The following PPIG variants were observed in gnomAD, a reference collection of about 807,000 sequenced individuals.
The protein encoded by PPIG is peptidylprolyl isomerase G, also known as peptidyl-prolyl cis-trans isomerase G.
Under a neutral mutation model 87.9 loss-of-function variants are expected in PPIG, and 26 were observed. The observed-to-expected ratio is 0.30, with a 90% CI of 0.22 to 0.41. PPIG has a LOEUF of 0.41. Ranked by LOEUF, PPIG falls within the 10% of genes least tolerant of loss-of-function variation. The pLI, the probability that PPIG is intolerant of heterozygous loss-of-function variation, is 1.00. For synonymous variants in PPIG, 308 were observed against 276.5 expected (o/e 1.11, Z -1.13); for missense variants, 722 against 879.4 (o/e 0.82, Z 2.26).
chr2:169,626,582 G>A (rs536445537), intron 9 of PPIG, among the ~76,000 whole-genome samples: 1 of 152,262 alleles, frequency 6.6e-6, no homozygotes, highest in African/African-American at 2.4e-5. Context: ...AGTAGAGACG[G>A]GTTCACCATG....
At chr2:169,606,995 A>G in intron 5 of PPIG, 109 bp from the exon 6 acceptor site, 1 of 731,304 alleles carries the variant, frequency 1.4e-6, no homozygotes. Context: ...ATCTTCGAAT[A>G]TTGTTAATTC....
Position 169,612,601 on chromosome 2 carries a change from C to T in PPIG, c.378-1863C>T, listed in dbSNP as rs531430398. ...GTTTCACCGTGTTAGCCAGGATGGT[C>T]TCGATCTCCTGACCCCATGATCCAC... On this transcript the variant is annotated intron_variant, in intron 7 of 13. Coordinates refer to ENST00000260970, the MANE Select transcript of PPIG (RefSeq NM_004792.3). 7.2e-5 allele frequency among the ~76,000 whole-genome samples: 11 copies of T among 152,138 alleles called. No individual in the cohort carries two copies. In the South Asian group the frequency reaches 1.0e-3, roughly 14 times the overall value.
At position 169,586,395 on chromosome 2, in the gene PPIG, A is replaced by G. The variant is rs368363555; in HGVS notation, c.-70+1905A>G. On this transcript the variant is annotated intron_variant, in intron 1 of 13. Transcript: ENST00000260970. ...TTCAGTTTCTTCACCTACCTGCAAAATGACATTTTGATCTCCACCTTCCAT... is the reference window on the plus strand; with the variant it reads ...TTCAGTTTCTTCACCTACCTGCAAAGTGACATTTTGATCTCCACCTTCCAT... Among the ~76,000 whole-genome samples the G allele has an allele frequency of 3.3e-5, 5 of 152,204 alleles. No homozygotes were observed. The East Asian group carries it at 7.7e-4, about 23-fold the overall frequency.
At chr2:169,593,556 A>G (rs554070978) in intron 1 of PPIG, among the ~76,000 whole-genome samples, 1 of 150,824 alleles carries the variant, frequency 6.6e-6, no homozygotes, top group East Asian at 2.0e-4. Context: ...ATTTCCTTTC[A>G]CTCTTTTTTT....
chr2:169,614,098 A>G (rs1448261454), intron 7 of PPIG, among the ~76,000 whole-genome samples: 1 of 152,248 alleles, frequency 6.6e-6, no homozygotes, highest in Non-Finnish European at 1.5e-5. Flanking sequence ...GAATTGTTTC[A>G]TAAATTTTGA....
At chr2:169,624,742 C>T (rs890840659) in intron 9 of PPIG, among the ~76,000 whole-genome samples, 4 of 152,098 alleles carry the variant, frequency 2.6e-5, no homozygotes, top group Non-Finnish European at 5.9e-5. Context: ...CGCCCACCAC[C>T]ACGCCCGGCT....
chr2:169,635,108 T>A (rs1686147270), intron 12 of PPIG, among the ~76,000 whole-genome samples: 1 of 152,178 alleles, frequency 6.6e-6, no homozygotes. Flanking sequence ...ATGAAAATAG[T>A]TTTGACCCCG....
chr2:169,634,643 T>G lies in PPIG; in HGVS notation c.1017+1396T>G, dbSNP rs144626513. 5.6e-3 allele frequency among the ~76,000 whole-genome samples: 847 copies of G among 152,304 alleles called. 2 individuals carry two copies. Among genetic ancestry groups the G allele is most frequent in the Non-Finnish European group, 8.6e-3 (585 of 68,032 alleles). ...GTGCAGTTCCTTCCCAAGAATAATCTGATTCTCCCCTTTCAGTTTATACCT... is the reference window on the plus strand; with the variant it reads ...GTGCAGTTCCTTCCCAAGAATAATCGGATTCTCCCCTTTCAGTTTATACCT... On this transcript the variant is annotated intron_variant, in intron 12 of 13. Coordinates refer to ENST00000260970, the MANE Select transcript of PPIG (RefSeq NM_004792.3).
chr2:169,635,155 G>C (rs539217511), intron 12 of PPIG, among the ~76,000 whole-genome samples: 1 of 152,246 alleles, frequency 6.6e-6, no homozygotes. Flanking sequence ...GAGATTCACT[G>C]TCTGATCTTT....
Position 169,611,748 on chromosome 2 carries a change from A to G in PPIG, c.378-2716A>G, listed in dbSNP as rs540091032. ...ACCAAAACTCCTATGTTAAGTTCATATAATCCTTCATATATATATTCTCAG... is the reference window on the plus strand; with the variant it reads ...ACCAAAACTCCTATGTTAAGTTCATGTAATCCTTCATATATATATTCTCAG... On this transcript the variant is annotated intron_variant, in intron 7 of 13. Coordinates refer to ENST00000260970, the MANE Select transcript of PPIG (RefSeq NM_004792.3). Among the ~76,000 whole-genome samples the G allele has an allele frequency of 6.6e-5, 10 of 152,294 alleles. No homozygotes were observed. In the South Asian group the frequency reaches 1.0e-3, roughly 16 times the overall value.
intron 1 of PPIG, among the ~76,000 whole-genome samples, chr2:169,588,115 A>C (rs541044841): frequency 3.3e-5 from 5 of 151,528 alleles, no homozygotes; most frequent in Admixed American, 1.3e-4. Flanking sequence ...CAGTGATCCG[A>C]GATCACGCCA....
At chr2:169,621,431 T>C (rs1244529914) in intron 9 of PPIG, among the ~76,000 whole-genome samples, 1 of 152,196 alleles carries the variant, frequency 6.6e-6, no homozygotes, top group Admixed American at 6.5e-5. Context: ...TTTCTTGATG[T>C]ACATGAGACT....
chr2:169,628,474 A>G (rs1275321961), intron 9 of PPIG, among the ~76,000 whole-genome samples: 2 of 152,204 alleles, frequency 1.3e-5, no homozygotes, highest in African/African-American at 4.8e-5. Flanking sequence ...ATTTTCATGT[A>G]TCTTGGGTTT....
rs1685569253 is a variant in PPIG, at chr2:169,614,781, A to G, written c.547+57A>G. On this transcript the variant is annotated intron_variant, in intron 9 of 13. Coordinates refer to ENST00000260970, the MANE Select transcript of PPIG (RefSeq NM_004792.3). ...TTACACATACAAAATAAGCAGAGAT[A>G]CTCTAAATAGTTGACATGAAATTCA... 10 of 1,478,316 alleles carry G rather than the reference A, an allele frequency of 6.8e-6. 1 individual carries two copies. The South Asian group carries it at 1.4e-4, about 21-fold the overall frequency. 91.6% of individuals were successfully genotyped at this position (1,478,316 alleles called of 1,614,324 possible).
At chr2:169,633,417 T>G in intron 12 of PPIG, 170 bp downstream of exon 12, 1 of 643,036 alleles carries the variant, frequency 1.6e-6, no homozygotes, top group South Asian at 1.8e-5. Context: ...ATGTTGGTAC[T>G]TCCCAACAGA....
At chr2:169,591,511 T>C (rs1010410685) in intron 1 of PPIG, among the ~76,000 whole-genome samples, 1 of 152,148 alleles carries the variant, frequency 6.6e-6, no homozygotes, top group Non-Finnish European at 1.5e-5. Context: ...GTATGATTAA[T>C]TTTTTTCAGT....
At chr2:169,630,673 G>A (rs1686021901) in intron 9 of PPIG, 101 bp from the exon 10 acceptor site, 2 of 985,214 alleles carry the variant, frequency 2.0e-6, no homozygotes, top group East Asian at 4.8e-5. Flanking sequence ...TGATCTAAGT[G>A]CTAAATACTG....
chr2:169,590,405 C>G (rs1684831667), intron 1 of PPIG, among the ~76,000 whole-genome samples: 1 of 152,148 alleles, frequency 6.6e-6, no homozygotes, highest in African/African-American at 2.4e-5. Flanking sequence ...CTTTGGGAGG[C>G]CGAGGCAGGC....
In PPIG at chr2:169,637,649, T is replaced by TC; in HGVS notation, c.*127dup. 9.9e-7 allele frequency: 1 copy of TC among 1,011,954 alleles called. No individual in the cohort carries two copies. Among genetic ancestry groups the TC allele is most frequent in the Non-Finnish European group, 1.4e-6 (1 of 725,534 alleles). The allele number at this position is 1,011,954 out of a possible 1,614,324, so 62.7% of individuals were successfully genotyped here. On this transcript the variant is annotated 3_prime_UTR_variant, in exon 14 of 14. Transcript: ENST00000260970. ...ATTGTTTTATGTTTGTCCTTTTTTTTCTTAATGTGGATTTCATTGAGTTGA... is the reference window on the plus strand; with the variant it reads ...ATTGTTTTATGTTTGTCCTTTTTTTTCCTTAATGTGGATTTCATTGAGTTGA...
Sources: gnomAD v4.1 joint callset for allele counts (sites outside exome capture counted in the v4.1 genomes callset) on GRCh38, gnomAD v4.1.1 for gene constraint, MANE v1.5 for transcripts, NCBI Gene and HGNC (gene_info 2026-07-23, HGNC 2026-07-21) for gene names.